Variants in SYTL2 observed in about 807,000 individuals in gnomAD.
SYTL2 encodes the protein synaptotagmin like 2.
A neutral mutation model predicts 198.7 loss-of-function variants in SYTL2; 165 were observed. The observed-to-expected ratio is 0.83, with a 90% confidence interval of 0.73 to 0.94. SYTL2 has a LOEUF of 0.94. Ranked by LOEUF, SYTL2 falls within the 40% of genes least tolerant of loss-of-function variation. The probability of loss-of-function intolerance (pLI) is 0.00; values close to 1 mark genes in which losing one functional copy is unlikely to be tolerated. For missense variants in SYTL2, 2,835 were observed against 2,582.8 expected (o/e 1.10, Z -2.12); for synonymous variants, 966 against 917.7 (o/e 1.05, Z -0.95).
chr11:85,705,077 C>A, intron 15 of SYTL2, 49 bp from the exon 16 acceptor site: 1 of 1,451,636 alleles, frequency 6.9e-7, no homozygotes, highest in Non-Finnish European at 9.6e-7. Flanking sequence ...TACTTGATGC[C>A]AAAGTTATAA....
the SYTL2 span, among the ~76,000 whole-genome samples, chr11:85,834,352 T>C: frequency 6.6e-6 from 1 of 152,188 alleles, no homozygotes; most frequent in South Asian, 2.1e-4. Context: ...TTATTACTTC[T>C]AAGTTTTTCA....
chr11:85,847,251 A>G, the SYTL2 span, among the ~76,000 whole-genome samples: 2 of 151,848 alleles, frequency 1.3e-5, no homozygotes, highest in Admixed American at 1.3e-4. Context: ...CAGGGCCATC[A>G]CTGATCTGCT....
At chr11:85,781,100 T>C (rs771933747) in intron 1 of SYTL2, among the ~76,000 whole-genome samples, 2 of 152,156 alleles carry the variant, frequency 1.3e-5, no homozygotes, top group Middle Eastern at 3.2e-3. Flanking sequence ...AAGACATACC[T>C]AAGACTGGGT....
Position 85,727,825 on chromosome 11 carries a change from T to G in SYTL2, c.1533A>C (p.Ile511=). Residue 511 remains isoleucine, a synonymous_variant, in exon 8 of 20, where the codon ATA becomes ATC. Transcript: ENST00000359152. ...ATATGGAATCATCAGTTGACTTCTT[T>G]ATCTCAGTGGCATATGGACCAGAAC... ...SSRSGPYATE[I]KKSTDDSIFK... 6.2e-7 allele frequency: 1 copy of G among 1,610,514 alleles called. No individual in the cohort carries two copies. Among genetic ancestry groups the G allele is most frequent in the East Asian group, 2.2e-5 (1 of 44,866 alleles).
intron 1 of SYTL2, among the ~76,000 whole-genome samples, chr11:85,762,529 A>G (rs1447658005): frequency 2.0e-5 from 3 of 152,196 alleles, no homozygotes; most frequent in African/African-American, 7.2e-5. Flanking sequence ...ACTAAAACTC[A>G]AAATCCTTAA....
chr11:85,845,533 C>CG, the SYTL2 span, among the ~76,000 whole-genome samples: 5 of 151,954 alleles, frequency 3.3e-5, no homozygotes, highest in Admixed American at 6.6e-5. Context: ...GAGACTGAGG[C>CG]GGGAGGATCA....
At chr11:85,812,615 G>C (rs1216728847), upstream of SYTL2, among the ~76,000 whole-genome samples, 2 of 152,234 alleles carry the variant, frequency 1.3e-5, no homozygotes, top group Non-Finnish European at 2.9e-5. Flanking sequence ...ATGTGACCAA[G>C]GTAGGTCTTG....
the SYTL2 span, among the ~76,000 whole-genome samples, chr11:85,851,939 A>T: frequency 4.6e-5 from 7 of 152,358 alleles, no homozygotes; most frequent in East Asian, 1.3e-3. Context: ...AACATTTATC[A>T]GATGTGTAGA....
chr11:85,719,337 G>A (rs74468168), intron 9 of SYTL2: 37,364 of 1,151,114 alleles, frequency 0.032, 785 homozygotes, highest in Middle Eastern at 0.055. Context: ...TGGCAGGCTA[G>A]TGTGAGAGTG....
intron 1 of SYTL2, among the ~76,000 whole-genome samples, chr11:85,778,475 C>A (rs2092498611): frequency 6.6e-6 from 1 of 152,216 alleles, no homozygotes; most frequent in African/African-American, 2.4e-5. Context: ...AATGCAGTGA[C>A]CAAAGAGAAG....
At chr11:85,752,573 C>T (rs1371977355) in intron 2 of SYTL2, among the ~76,000 whole-genome samples, 1 of 152,142 alleles carries the variant, frequency 6.6e-6, no homozygotes, top group Non-Finnish European at 1.5e-5. Flanking sequence ...GGAAAACAAA[C>T]TACAAACCTT....
chr11:85,710,974 CA>C, intron 13 of SYTL2, 138 bp downstream of exon 13: 2 of 862,610 alleles, frequency 2.3e-6, no homozygotes, highest in Non-Finnish European at 3.4e-6. Flanking sequence ...TGTAGCTAGC[CA>C]GAAGCTAATT....
chr11:85,740,933 C>T (rs988506320), intron 4 of SYTL2, among the ~76,000 whole-genome samples: 1 of 152,216 alleles, frequency 6.6e-6, no homozygotes, highest in Non-Finnish European at 1.5e-5. Flanking sequence ...TAAAATTATA[C>T]CACACAGGCA....
chr11:85,786,111 T>A lies in SYTL2; in HGVS notation c.-390+24843A>T, dbSNP rs148004322. On this transcript the variant is annotated intron_variant, in intron 1 of 19. Transcript: ENST00000359152. ...TCTTGATAGACACAACTTGGATGAATCTCAAGGGAATTGTGCTAAATATAA... is the reference window on the plus strand; with the variant it reads ...TCTTGATAGACACAACTTGGATGAAACTCAAGGGAATTGTGCTAAATATAA... Among the ~76,000 whole-genome samples, 407 of 152,240 alleles carry A rather than the reference T, an allele frequency of 2.7e-3. 3 individuals carry two copies. The highest frequency in any genetic ancestry group is 8.4e-3 in the African/African-American group (349 of 41,554).
At chr11:85,760,362 C>A (rs1565997566) in intron 1 of SYTL2, among the ~76,000 whole-genome samples, 1 of 152,226 alleles carries the variant, frequency 6.6e-6, no homozygotes, top group Non-Finnish European at 1.5e-5. Context: ...CCTCCAAATA[C>A]ACATCCACTG....
the SYTL2 span, among the ~76,000 whole-genome samples, chr11:85,849,047 C>T: frequency 2.1e-3 from 316 of 152,276 alleles, 1 homozygote; most frequent in African/African-American, 6.8e-3. Context: ...AGACACCATC[C>T]CATTTTATAA....
intron 16 of SYTL2, 121 bp downstream of exon 16, chr11:85,704,737 T>C: frequency 1.4e-6 from 1 of 691,804 alleles, no homozygotes; most frequent in Non-Finnish European, 2.3e-6. Flanking sequence ...TTTTTTCCTC[T>C]AGTTTAAAAT....
At chr11:85,791,234 A>C (rs1203703103) in intron 1 of SYTL2, among the ~76,000 whole-genome samples, 4 of 147,798 alleles carry the variant, frequency 2.7e-5, no homozygotes, top group Non-Finnish European at 4.5e-5. Context: ...AAAATATCTT[A>C]CTTTACTTGT....
At chr11:85,778,856 T>C (rs2092506617) in intron 1 of SYTL2, among the ~76,000 whole-genome samples, 1 of 152,052 alleles carries the variant, frequency 6.6e-6, no homozygotes, top group Non-Finnish European at 1.5e-5. Context: ...GCATGCCAAG[T>C]AGTCCCAGCT....
Sources: allele counts gnomAD v4.1 joint callset (sites outside exome capture counted in the v4.1 genomes callset), GRCh38; gene constraint gnomAD v4.1.1; transcripts MANE v1.5; gene names NCBI Gene and HGNC (gene_info 2026-07-23, HGNC 2026-07-21).